Variants in NRXN1 observed in about 807,000 individuals in gnomAD.
The protein encoded by NRXN1 is neurexin-1.
In NRXN1, 39 loss-of-function variants were observed where a neutral mutation model predicts 150.9. The ratio of observed to expected loss-of-function variants is 0.26; its 90% CI spans 0.20 to 0.34. NRXN1 has a LOEUF of 0.34. NRXN1 is among the 10% of genes least tolerant of loss of function. The pLI, the probability that NRXN1 is intolerant of heterozygous loss-of-function variation, is 1.00. For synonymous variants in NRXN1, 924 were observed against 757.0 expected (o/e 1.22, Z -3.62); for missense variants, 1,815 against 1,949.9 (o/e 0.93, Z 1.30).
chr2:50,323,513 T>C (rs1369571243), intron 17 of NRXN1, among the ~76,000 whole-genome samples: 1 of 151,686 alleles, frequency 6.6e-6, no homozygotes, highest in Non-Finnish European at 1.5e-5. Context: ...CCTGCAATGT[T>C]TGGAGGAGAA....
chr2:50,901,821 T>C (rs905334492), intron 5 of NRXN1, among the ~76,000 whole-genome samples: 2 of 152,204 alleles, frequency 1.3e-5, no homozygotes, highest in Non-Finnish European at 2.9e-5. Context: ...ATAGCAATAA[T>C]GTGCTAATTT....
intron 5 of NRXN1, among the ~76,000 whole-genome samples, chr2:50,657,590 G>C (rs1050468070): frequency 6.6e-6 from 1 of 152,012 alleles, no homozygotes; most frequent in Non-Finnish European, 1.5e-5. Context: ...AGAATGTCAG[G>C]AGTGAAGTTG....
At position 49,920,354 on chromosome 2, in the gene NRXN1, G is replaced by GAT. The variant is rs574307405; in HGVS notation, c.*1588_*1589dup. The GAT allele has an allele frequency of 1.3e-4, 20 of 152,592 alleles. No homozygotes were observed. The highest frequency in any genetic ancestry group is 4.6e-4 in the African/African-American group (19 of 41,514). The allele number at this position is 152,592 out of a possible 1,614,324, so 9.5% of individuals were successfully genotyped here. A position where few individuals can be genotyped will look rare whatever the true frequency, so the allele number is the denominator to read the frequency against. Reference sequence around the variant, plus strand: ...GTTCATCATGCACATCAGATTCAGAGATATATATATTATTTTATTAGAAAG... The same window carrying GAT: ...GTTCATCATGCACATCAGATTCAGAGATATATATATATTATTTTATTAGAAAG... On this transcript the variant is annotated 3_prime_UTR_variant, in exon 23 of 23. Coordinates refer to ENST00000401669, the MANE Select transcript of NRXN1 (RefSeq NM_001330078.2).
intron 17 of NRXN1, among the ~76,000 whole-genome samples, chr2:50,276,684 C>T (rs942207356): frequency 6.6e-6 from 1 of 152,066 alleles, no homozygotes; most frequent in African/African-American, 2.4e-5. Flanking sequence ...GCTTCCCTAG[C>T]GAAAACTTGA....
intron 17 of NRXN1, among the ~76,000 whole-genome samples, chr2:50,410,673 C>A (rs1419093763): frequency 2.0e-5 from 3 of 151,496 alleles, no homozygotes; most frequent in African/African-American, 7.3e-5. Flanking sequence ...ACAAATATTT[C>A]AGAAAAAAAA....
chr2:50,543,007 GT>G (rs1237265290), intron 9 of NRXN1, among the ~76,000 whole-genome samples: 1 of 151,984 alleles, frequency 6.6e-6, no homozygotes. Context: ...TTTAAACCTG[GT>G]TCATTGATAA....
intron 21 of NRXN1, among the ~76,000 whole-genome samples, chr2:50,030,921 C>T (rs1235891926): frequency 1.3e-5 from 2 of 151,940 alleles, no homozygotes; most frequent in Non-Finnish European, 2.9e-5. Flanking sequence ...TTGTAAGCTC[C>T]CTATGGCACT....
At chr2:50,969,960 T>A (rs1575086687) in intron 2 of NRXN1, among the ~76,000 whole-genome samples, 2 of 152,154 alleles carry the variant, frequency 1.3e-5, no homozygotes, top group South Asian at 4.1e-4. Context: ...GGGTAAGAAC[T>A]AATGCTGATA....
intron 5 of NRXN1, among the ~76,000 whole-genome samples, chr2:50,883,262 C>T (rs989243338): frequency 1.3e-4 from 19 of 151,792 alleles, no homozygotes; most frequent in African/African-American, 4.6e-4. Context: ...GGTGTATATA[C>T]TGATCCATAT....
chr2:50,456,894 G>C (rs977544146), intron 17 of NRXN1, among the ~76,000 whole-genome samples: 1 of 151,960 alleles, frequency 6.6e-6, no homozygotes, highest in East Asian at 1.9e-4. Flanking sequence ...ATAAACTCAG[G>C]TATAATTAAC....
chr2:50,809,180 T>C (rs1417999476), intron 5 of NRXN1, among the ~76,000 whole-genome samples: 3 of 152,060 alleles, frequency 2.0e-5, no homozygotes, highest in East Asian at 1.9e-4. Flanking sequence ...ACGAAGTTGT[T>C]AGAATGAGCT....
At chr2:50,490,852 C>G (rs1457100830) in intron 15 of NRXN1, among the ~76,000 whole-genome samples, 1 of 152,150 alleles carries the variant, frequency 6.6e-6, no homozygotes, top group Non-Finnish European at 1.5e-5. Context: ...CATTGCTCAA[C>G]AGCTGAAAGG....
At position 50,371,117 on chromosome 2, in the gene NRXN1, G is replaced by A. The variant is rs569241479; in HGVS notation, c.3364+94325C>T. Among the ~76,000 whole-genome samples, 47 of 152,120 alleles carry A rather than the reference G, an allele frequency of 3.1e-4. 1 individual carries two copies. In the South Asian group the frequency reaches 9.7e-3, roughly 32 times the overall value. On this transcript the variant is annotated intron_variant, in intron 17 of 22. Transcript: ENST00000401669. ...AACTTAGCAATGATCTTTGTCGATT[G>A]AGGGCAGTGTTAATGAGCTGTAAAA...
At chr2:50,883,122 T>G (rs1191931782) in intron 5 of NRXN1, among the ~76,000 whole-genome samples, 1 of 151,900 alleles carries the variant, frequency 6.6e-6, no homozygotes, top group African/African-American at 2.4e-5. Flanking sequence ...ATAAACTAAC[T>G]GCTCTCTCTG....
At chr2:50,972,253 A>C (rs1051124126) in intron 2 of NRXN1, among the ~76,000 whole-genome samples, 2 of 152,148 alleles carry the variant, frequency 1.3e-5, no homozygotes, top group African/African-American at 2.4e-5. Flanking sequence ...GTTGCTAAAT[A>C]ATAAAGAGGC....
At chr2:50,422,231 GGCTCTAATT>G (rs2084054280) in intron 17 of NRXN1, among the ~76,000 whole-genome samples, 1 of 152,082 alleles carries the variant, frequency 6.6e-6, no homozygotes, top group Non-Finnish European at 1.5e-5. Context: ...GGATGTTAGA[GGCTCTAATT>G]GCACACAATG....
At chr2:50,290,617 T>C (rs868011328) in intron 17 of NRXN1, among the ~76,000 whole-genome samples, 1 of 152,252 alleles carries the variant, frequency 6.6e-6, no homozygotes. Context: ...AAGCTCTCCA[T>C]GAAGGAGGCC....
intron 8 of NRXN1, among the ~76,000 whole-genome samples, chr2:50,590,414 A>G (rs936827258): frequency 2.6e-5 from 4 of 152,174 alleles, no homozygotes; most frequent in South Asian, 2.1e-4. Flanking sequence ...AACATTATAG[A>G]CTATTCTGTT....
intron 5 of NRXN1, among the ~76,000 whole-genome samples, chr2:50,872,195 C>A (rs912338700): frequency 1.1e-4 from 16 of 151,822 alleles, no homozygotes; most frequent in African/African-American, 3.6e-4. Context: ...TAATGTGAGT[C>A]ATTTCACAGC....
Sources: gnomAD v4.1 joint callset for allele counts (sites outside exome capture counted in the v4.1 genomes callset) on GRCh38, gnomAD v4.1.1 for gene constraint, MANE v1.5 for transcripts, NCBI Gene and HGNC (gene_info 2026-07-23, HGNC 2026-07-21) for gene names.